NECAB2: variants seen among roughly 807,000 people sequenced by gnomAD.
The protein encoded by NECAB2 is N-terminal EF-hand calcium binding protein 2, also known as N-terminal EF-hand calcium-binding protein 2.
NECAB2 carries 68 observed loss-of-function variants against 51.9 expected under a neutral mutation model. That is an observed-to-expected ratio of 1.31 (90% CI 1.08 to 1.60). NECAB2 has a LOEUF of 1.60. Ranked by LOEUF, NECAB2 falls within the 40% of genes most tolerant of loss-of-function variation. NECAB2 has a pLI of 0.00. For missense variants in NECAB2, 854 were observed against 490.3 expected (o/e 1.74, Z -7.00); for synonymous variants, 329 against 203.5 (o/e 1.62, Z -5.25).
chr16:83,996,977 C>G (rs973262540), intron 8 of NECAB2, among the ~76,000 whole-genome samples: 1 of 150,808 alleles, frequency 6.6e-6, no homozygotes, highest in African/African-American at 2.5e-5. Context: ...ATCTTGGACT[C>G]AGGCCTCTGG....
chr16:84,001,847 A>G lies in NECAB2; in HGVS notation c.1063A>G (p.Lys355Glu). 3 of 1,614,090 alleles carry G rather than the reference A, an allele frequency of 1.9e-6. No individual in the cohort carries two copies. Among genetic ancestry groups the G allele is most frequent in the Non-Finnish European group, 2.5e-6 (3 of 1,179,980 alleles). The change falls in exon 12 of 13, where the codon AAG becomes GAG. Residue 355 changes from lysine to glutamate, a missense_variant. Physicochemically the swap from Lys to Glu is moderately conservative, Grantham distance 56 (BLOSUM62 1). Transcript: ENST00000305202. ...CAGGCACCTGCAGAGCCCCCTGTGT[A>G]AGGCGTTCCGGCACGTCAAGGTGGA... ...WKRHLQSPLC[K>E]AFRHVKVDTL...
chr16:83,980,680 C>T (rs1019690080), intron 3 of NECAB2, among the ~76,000 whole-genome samples, 159 bp from the exon 4 acceptor site: 1 of 152,068 alleles, frequency 6.6e-6, no homozygotes, highest in Non-Finnish European at 1.5e-5. Context: ...GCGGGGGTGT[C>T]ACCTACCTGC....
In NECAB2 at chr16:83,990,489, CA is replaced by C. The variant is rs1567672879; in HGVS notation, c.460-4del. ...CCCTCAGTGCCTCTTCTCTTCCTTC[CA>C]CAGGTATATGAGGGTGGGAGCAACG... On this transcript the variant is annotated splice_polypyrimidine_tract_variant and splice_region_variant and intron_variant, in intron 5 of 12. Transcript: ENST00000305202. The C allele has an allele frequency of 6.2e-7, 1 of 1,613,986 alleles. No homozygotes were observed. The highest frequency in any genetic ancestry group is 1.1e-5 in the South Asian group (1 of 91,064).
intron 11 of NECAB2, among the ~76,000 whole-genome samples, chr16:84,001,437 TGA>T (rs1182931880): frequency 1.3e-5 from 2 of 152,162 alleles, no homozygotes; most frequent in East Asian, 1.9e-4. Context: ...TCATGAGAAG[TGA>T]GAGTGTCCCC....
intron 5 of NECAB2, among the ~76,000 whole-genome samples, chr16:83,984,726 C>G (rs1289828124): frequency 1.3e-5 from 2 of 152,108 alleles, no homozygotes; most frequent in Admixed American, 6.5e-5. Context: ...GAAACCCTGT[C>G]TCTCAAAAAT....
At chr16:83,965,394 C>T (rs750515212), upstream of NECAB2, 65 of 1,574,650 alleles carry the variant, frequency 4.1e-5, no homozygotes, top group Admixed American at 1.4e-4. Flanking sequence ...GCCCTGGAGG[C>T]CGCCACAAGG....
intron 12 of NECAB2, 58 bp from the exon 13 acceptor site, chr16:84,002,260 A>C (rs1658258592): frequency 6.3e-7 from 1 of 1,589,916 alleles, no homozygotes; most frequent in African/African-American, 1.4e-5. Context: ...GACCACCACC[A>C]GCTACGAGGC....
intron 10 of NECAB2, among the ~76,000 whole-genome samples, chr16:83,999,657 G>A (rs2084781835): frequency 6.6e-6 from 1 of 152,110 alleles, no homozygotes; most frequent in African/African-American, 2.4e-5. Context: ...TTCTGGGGCG[G>A]CATAGACTAT....
intron 6 of NECAB2, among the ~76,000 whole-genome samples, chr16:83,990,848 C>G (rs1030865922): frequency 3.3e-5 from 5 of 152,084 alleles, no homozygotes; most frequent in African/African-American, 1.2e-4. Flanking sequence ...ATAGTAAATG[C>G]TCAGGAGAAT....
At position 83,981,142 on chromosome 16, in the gene NECAB2, G is replaced by C. The variant is rs1183671558; in HGVS notation, c.459+15G>C. The C allele has an allele frequency of 1.3e-6, 2 of 1,576,360 alleles. No homozygotes were observed. The highest frequency in any genetic ancestry group is 2.2e-5 in the South Asian group (2 of 90,176). On this transcript the variant is annotated intron_variant, in intron 5 of 12. Coordinates refer to ENST00000305202, the MANE Select transcript of NECAB2 (RefSeq NM_019065.3). The stretch of plus-strand genomic sequence containing the variant: ...ATACCAAGAAGGTCAGTGGGTGTAG[G>C]TGGCCCCCGGGGTCCAGGGCTCCAG...
At chr16:83,982,872 T>G (rs895645842) in intron 5 of NECAB2, among the ~76,000 whole-genome samples, 16 of 152,076 alleles carry the variant, frequency 1.1e-4, no homozygotes, top group African/African-American at 3.1e-4. Context: ...TTTTTCTTTT[T>G]CTTTTTCTTT....
intron 6 of NECAB2, among the ~76,000 whole-genome samples, chr16:83,991,739 C>G (rs921570219): frequency 3.3e-5 from 5 of 151,816 alleles, no homozygotes; most frequent in African/African-American, 9.7e-5. Context: ...ATCTCCAACT[C>G]AGGTTCAAGC....
intron 1 of NECAB2, among the ~76,000 whole-genome samples, chr16:83,969,573 CCCT>C (rs2084326731): frequency 6.6e-6 from 1 of 152,090 alleles, no homozygotes; most frequent in Non-Finnish European, 1.5e-5. Context: ...CACCCCTCAC[CCCT>C]CCTAACTCCC....
rs531511128 is a variant in NECAB2, at chr16:83,994,705, C to T, written c.795+17C>T. 2 of 1,613,608 alleles carry T rather than the reference C, an allele frequency of 1.2e-6. No homozygotes were observed. Among genetic ancestry groups the T allele is most frequent in the East Asian group, 2.2e-5 (1 of 44,874 alleles). ...GAGAGCAAAGTAAGCCCTGGCCTGA[C>T]CACGGCGTCTACTCCTTCCAACCCC... On this transcript the variant is annotated intron_variant, in intron 8 of 12. Transcript: ENST00000305202.
chr16:83,967,265 C>G (rs141453008), upstream of NECAB2, among the ~76,000 whole-genome samples: 11 of 151,774 alleles, frequency 7.2e-5, no homozygotes, highest in African/African-American at 2.2e-4. Context: ...TCTGGGAGAC[C>G]AAGTACACCA....
chr16:84,000,408 G>C (rs537705784), intron 10 of NECAB2, among the ~76,000 whole-genome samples: 3 of 152,102 alleles, frequency 2.0e-5, no homozygotes, highest in African/African-American at 7.2e-5. Flanking sequence ...CACTCCTCTA[G>C]TCCCCGCTAC....
chr16:83,980,706 A>C, intron 3 of NECAB2, 133 bp from the exon 4 acceptor site: 1 of 1,239,946 alleles, frequency 8.1e-7, no homozygotes, highest in Non-Finnish European at 1.1e-6. Flanking sequence ...CCTCTTCTGT[A>C]AGGCGGAGCT....
chr16:83,992,887 G>A (rs892874890), intron 6 of NECAB2, among the ~76,000 whole-genome samples: 1 of 152,132 alleles, frequency 6.6e-6, no homozygotes, highest in East Asian at 1.9e-4. Context: ...GGGTTTTCCT[G>A]TTACTATCTT....
At chr16:83,996,329 G>T (rs183124715) in intron 8 of NECAB2, among the ~76,000 whole-genome samples, 3 of 152,328 alleles carry the variant, frequency 2.0e-5, no homozygotes, top group Non-Finnish European at 4.4e-5. Flanking sequence ...CCAGAAGGCA[G>T]TACCCTTGCC....
Sources: gnomAD v4.1 joint callset for allele counts (sites outside exome capture counted in the v4.1 genomes callset) on GRCh38, gnomAD v4.1.1 for gene constraint, MANE v1.5 for transcripts, NCBI Gene and HGNC (gene_info 2026-07-23, HGNC 2026-07-21) for gene names.